The following EPHB2 variants were observed in gnomAD, a reference collection of about 807,000 sequenced individuals.
EPHB2 encodes ephrin type-B receptor 2.
Under a neutral mutation model 96.4 loss-of-function variants are expected in EPHB2, and 18 were observed. The ratio of observed to expected loss-of-function variants is 0.19; its 90% CI spans 0.13 to 0.28. The LOEUF (loss-of-function observed/expected upper bound fraction) is 0.28. Among genes scored for constraint, EPHB2 ranks in the 10% least tolerant of loss-of-function variants. The pLI, the probability that EPHB2 is intolerant of heterozygous loss-of-function variation, is 1.00. For synonymous variants in EPHB2, 506 were observed against 534.1 expected, an observed-to-expected ratio of 0.95 and a Z score of 0.72; for missense variants, 989 against 1,355.4, an observed-to-expected ratio of 0.73 and a Z score of 4.25.
intron 1 of EPHB2, among the ~76,000 whole-genome samples, chr1:22,722,986 G>T (rs1390347968): frequency 6.6e-6 from 1 of 152,244 alleles, no homozygotes; most frequent in Non-Finnish European, 1.5e-5. Flanking sequence ...TATTTGGGGA[G>T]CTGGAAGGAG....
intron 5 of EPHB2, among the ~76,000 whole-genome samples, chr1:22,878,889 T>C (rs1234966158): frequency 6.6e-6 from 1 of 152,198 alleles, no homozygotes; most frequent in East Asian, 1.9e-4. Context: ...ATCCAAATAC[T>C]CCTCACCCGT....
chr1:22,848,329 T>G (rs1315587537), intron 3 of EPHB2, among the ~76,000 whole-genome samples: 1 of 152,018 alleles, frequency 6.6e-6, no homozygotes, highest in Non-Finnish European at 1.5e-5. Flanking sequence ...CTCACCCCGA[T>G]CCACTCCAGC....
intron 3 of EPHB2, among the ~76,000 whole-genome samples, chr1:22,824,233 G>A (rs541548800): frequency 6.6e-6 from 1 of 151,330 alleles, no homozygotes; most frequent in Non-Finnish European, 1.5e-5. Context: ...TAGATGGATG[G>A]AAGGAAGGAA....
chr1:22,822,649 C>T (rs1028649116), intron 3 of EPHB2, among the ~76,000 whole-genome samples: 2 of 152,224 alleles, frequency 1.3e-5, no homozygotes, highest in African/African-American at 4.8e-5. Flanking sequence ...CAGGCTGGAG[C>T]AGGCAAAAGT....
At chr1:22,892,731 C>CCATGTTTA in intron 6 of EPHB2, 153 bp from the exon 7 acceptor site, 2 of 971,900 alleles carry the variant, frequency 2.1e-6, no homozygotes, top group Admixed American at 3.4e-5. Context: ...TGGCAAAAGG[C>CCATGTTTA]ATAATTCTAT....
chr1:22,743,336 G>A (rs2148368678), intron 1 of EPHB2, among the ~76,000 whole-genome samples: 1 of 152,246 alleles, frequency 6.6e-6, no homozygotes, highest in African/African-American at 2.4e-5. Context: ...AGCTTACCAG[G>A]ATCAGCTTAC....
chr1:22,757,064 A>G (rs912974897), intron 1 of EPHB2, among the ~76,000 whole-genome samples: 2 of 152,132 alleles, frequency 1.3e-5, no homozygotes, highest in Non-Finnish European at 2.9e-5. Context: ...AATATCTTGT[A>G]AGCATATACT....
At chr1:22,909,756 G>A (rs1282565164) in intron 13 of EPHB2, among the ~76,000 whole-genome samples, 1 of 152,180 alleles carries the variant, frequency 6.6e-6, no homozygotes, top group Non-Finnish European at 1.5e-5. Flanking sequence ...AATGAAGACA[G>A]GAAGGACTCG....
intron 3 of EPHB2, among the ~76,000 whole-genome samples, chr1:22,851,002 A>G (rs540167626): frequency 2.6e-5 from 4 of 152,170 alleles, no homozygotes; most frequent in South Asian, 2.1e-4. Flanking sequence ...TTGGAAATTC[A>G]TCTTTGTTTA....
intron 6 of EPHB2, among the ~76,000 whole-genome samples, chr1:22,890,838 TGAA>T (rs1639366942): frequency 6.6e-6 from 1 of 152,238 alleles, no homozygotes; most frequent in African/African-American, 2.4e-5. Flanking sequence ...TGCCACCATG[TGAA>T]GAAGTATGTG....
At chr1:22,782,029 C>G (rs1481458846) in intron 2 of EPHB2, among the ~76,000 whole-genome samples, 1 of 152,150 alleles carries the variant, frequency 6.6e-6, no homozygotes, top group African/African-American at 2.4e-5. Context: ...AAAGCTCCCC[C>G]TCCTTTGGTT....
intron 5 of EPHB2, among the ~76,000 whole-genome samples, chr1:22,878,518 G>A (rs1638920327): frequency 6.6e-6 from 1 of 152,186 alleles, no homozygotes; most frequent in Admixed American, 6.5e-5. Context: ...TGGCATCATA[G>A]CAACTCCACA....
chr1:22,793,475 G>A (rs1393051629), intron 3 of EPHB2, among the ~76,000 whole-genome samples: 2 of 152,176 alleles, frequency 1.3e-5, no homozygotes, highest in Non-Finnish European at 2.9e-5. Flanking sequence ...GGCTGAAAGG[G>A]CAATTAGTCC....
chr1:22,786,169 C>T (rs1644608099), intron 3 of EPHB2, among the ~76,000 whole-genome samples: 1 of 152,182 alleles, frequency 6.6e-6, no homozygotes, highest in Non-Finnish European at 1.5e-5. Flanking sequence ...AGCGGTATCA[C>T]CTTGGCCAAG....
intron 9 of EPHB2, among the ~76,000 whole-genome samples, chr1:22,902,704 TA>T (rs921327791): frequency 6.6e-6 from 1 of 152,062 alleles, no homozygotes; most frequent in Admixed American, 6.5e-5. Flanking sequence ...GGGAAAAGGG[TA>T]AACTAAGCCC....
At position 22,838,947 on chromosome 1, in the gene EPHB2, CAAAAAAAGAAAAAAAG is replaced by C. The variant is rs144562223; in HGVS notation, c.812-24076_812-24061del. On this transcript the variant is annotated intron_variant, in intron 3 of 15. Coordinates refer to ENST00000374630, the MANE Select transcript of EPHB2 (RefSeq NM_017449.5). ...CTCTGTCTCAAAAATAAAAACAAAA[CAAAAAAAGAAAAAAAG>C]AAAAAAAGAAAAATCATACTAGAGA... 2.7e-5 allele frequency among the ~76,000 whole-genome samples: 4 copies of C among 149,096 alleles called. No individual in the cohort carries two copies. The East Asian group carries it at 7.8e-4, about 29-fold the overall frequency.
rs145699066 is a variant in EPHB2 at position 22,823,312 on chromosome 1, C to T, written c.811+38236C>T. Among the ~76,000 whole-genome samples, 181 of 152,348 alleles carry T rather than the reference C, an allele frequency of 1.2e-3. 1 individual carries two copies. Among genetic ancestry groups the T allele is most frequent in the African/African-American group, 4.0e-3 (166 of 41,576 alleles). On this transcript the variant is annotated intron_variant, in intron 3 of 15. Coordinates refer to ENST00000374630, the MANE Select transcript of EPHB2 (RefSeq NM_017449.5). The stretch of plus-strand genomic sequence containing the variant: ...GGTATCACCTCCTCCAGGAAGCCTT[C>T]GCTGACTCCTCTTCAAGTCTGTATT...
At chr1:22,878,956 G>A (rs1041290073) in intron 5 of EPHB2, among the ~76,000 whole-genome samples, 6 of 152,200 alleles carry the variant, frequency 3.9e-5, no homozygotes, top group Non-Finnish European at 7.3e-5. Context: ...ACATATCAAC[G>A]TGCTGTAAGA....
intron 4 of EPHB2, among the ~76,000 whole-genome samples, chr1:22,863,578 G>A (rs554855692): frequency 8.8e-4 from 134 of 152,354 alleles, no homozygotes; most frequent in Non-Finnish European, 1.7e-3. Flanking sequence ...CTCTAGGAAG[G>A]CACTGCCTGA....
Sources: gnomAD v4.1 joint callset for allele counts (sites outside exome capture counted in the v4.1 genomes callset) on GRCh38, gnomAD v4.1.1 for gene constraint, MANE v1.5 for transcripts, NCBI Gene and HGNC (gene_info 2026-07-23, HGNC 2026-07-21) for gene names.